DNAH9: variants seen among roughly 807,000 people sequenced by gnomAD.
DNAH9 encodes the protein dynein axonemal heavy chain 9.
In DNAH9, 345 loss-of-function variants were observed where a neutral mutation model predicts 471.6. The observed-to-expected ratio is 0.73, with a 90% CI of 0.67 to 0.80. The LOEUF (loss-of-function observed/expected upper bound fraction) is 0.80, where lower values mean the gene tolerates loss of function less well. Ranked by LOEUF, DNAH9 falls within the 30% of genes least tolerant of loss-of-function variation. The pLI, the probability that DNAH9 is intolerant of heterozygous loss-of-function variation, is 0.00. For missense variants in DNAH9, 5,407 were observed against 5,609.2 expected, an observed-to-expected ratio of 0.96 and a Z score of 1.15; for synonymous variants, 2,093 against 2,123.6, an observed-to-expected ratio of 0.99 and a Z score of 0.40.
intron 43 of DNAH9, among the ~76,000 whole-genome samples, chr17:11,804,852 C>T (rs1319826631): frequency 5.4e-5 from 8 of 148,682 alleles, no homozygotes; most frequent in African/African-American, 9.9e-5. Flanking sequence ...CCAGCCTGGA[C>T]GACAGAGCGA....
Position 11,694,332 on chromosome 17 carries a change from G to A in DNAH9, c.4757G>A (p.Cys1586Tyr). 5 of 1,614,004 alleles carry A rather than the reference G, an allele frequency of 3.1e-6. No individual in the cohort carries two copies. The highest frequency in any genetic ancestry group is 1.1e-5 in the South Asian group (1 of 91,050). ...TTCTGTGCCCTCAGATTGTGCCTGT[G>A]TGAGAAGGCCCTGGCAGAGTACCTC... ...LEDIQGRLCL[C>Y]EKALAEYLDT... The change falls in exon 22 of 69, where the codon TGT becomes TAT. Residue 1586 changes from cysteine to tyrosine, a missense_variant. By Grantham distance (194) the Cys-to-Tyr change is radical. Coordinates refer to ENST00000262442, the MANE Select transcript of DNAH9 (RefSeq NM_001372.4).
intron 17 of DNAH9, among the ~76,000 whole-genome samples, chr17:11,673,502 A>G (rs946453530): frequency 6.6e-6 from 1 of 152,168 alleles, no homozygotes; most frequent in Non-Finnish European, 1.5e-5. Context: ...ACATTGAAAA[A>G]GAGAAAGGAG....
rs139156852 is a variant in DNAH9 at position 11,921,291 on chromosome 17, G to A, written c.11750-2523G>A. ...AAGGTGGAGAAGAAATAGCCTCCAA[G>A]TAGCAAGAAAACACTAGAAAAAATG... On this transcript the variant is annotated intron_variant, in intron 61 of 68. Transcript: ENST00000262442. Among the ~76,000 whole-genome samples, 55 of 151,656 alleles carry A rather than the reference G, an allele frequency of 3.6e-4. No homozygotes were observed. The East Asian group carries it at 4.5e-3, about 12-fold the overall frequency.
intron 26 of DNAH9, among the ~76,000 whole-genome samples, chr17:11,715,813 C>G (rs906254337): frequency 3.3e-5 from 5 of 152,144 alleles, no homozygotes; most frequent in Non-Finnish European, 7.4e-5. Context: ...ACGGACACTT[C>G]ATAGTGAGGC....
intron 8 of DNAH9, among the ~76,000 whole-genome samples, chr17:11,634,203 A>G (rs1251606521): frequency 6.6e-6 from 1 of 152,176 alleles, no homozygotes; most frequent in Middle Eastern, 3.2e-3. Context: ...GGGAACTAGT[A>G]GGAAAACCAT....
chr17:11,721,540 A>G (rs2075059203), intron 27 of DNAH9, among the ~76,000 whole-genome samples: 1 of 152,092 alleles, frequency 6.6e-6, no homozygotes, highest in Non-Finnish European at 1.5e-5. Flanking sequence ...AATCCAATTA[A>G]TTTATTGAGT....
chr17:11,903,058 A>G, intron 60 of DNAH9, 146 bp downstream of exon 60: 1 of 906,070 alleles, frequency 1.1e-6, no homozygotes, highest in Admixed American at 2.9e-5. Context: ...TTAACTAAAC[A>G]GGCCAGGCGC....
At chr17:11,898,459 AG>A (rs1973295122) in intron 59 of DNAH9, among the ~76,000 whole-genome samples, 1 of 152,190 alleles carries the variant, frequency 6.6e-6, no homozygotes, top group Non-Finnish European at 1.5e-5. Context: ...ATAATAGATT[AG>A]GGTCCACACT....
In DNAH9 at chr17:11,877,639, A is replaced by G. The variant is rs891447877; in HGVS notation, c.10479-2439A>G. Reference sequence around the variant, plus strand: ...CAAGCATGCACGCACTAAGGTCCAGATCACTCGGGGTTGTTCAAATTGAAC... The same window carrying G: ...CAAGCATGCACGCACTAAGGTCCAGGTCACTCGGGGTTGTTCAAATTGAAC... On this transcript the variant is annotated intron_variant, in intron 53 of 68. Transcript: ENST00000262442. Among the ~76,000 whole-genome samples the G allele has an allele frequency of 2.6e-5, 4 of 152,146 alleles. No homozygotes were observed. The East Asian group carries it at 7.7e-4, about 29-fold the overall frequency.
intron 17 of DNAH9, among the ~76,000 whole-genome samples, chr17:11,674,296 C>T (rs1257581478): frequency 6.6e-6 from 1 of 152,162 alleles, no homozygotes; most frequent in Non-Finnish European, 1.5e-5. Context: ...TGCCAAGCTC[C>T]TTCCAAGGTA....
At chr17:11,895,721 G>A (rs1460797564) in intron 59 of DNAH9, among the ~76,000 whole-genome samples, 2 of 152,034 alleles carry the variant, frequency 1.3e-5, no homozygotes, top group African/African-American at 2.4e-5. Context: ...TACCAACTAC[G>A]AATCCATTCT....
In DNAH9 at chr17:11,883,747, A is replaced by G. The variant is rs1242590221; in HGVS notation, c.10968A>G (p.Lys3656=). The G allele has an allele frequency of 1.2e-6, 2 of 1,613,560 alleles. No homozygotes were observed. The highest frequency in any genetic ancestry group is 2.7e-5 in the African/African-American group (2 of 74,830). Residue 3656 remains lysine, a synonymous_variant, in exon 56 of 69, where the codon AAA becomes AAG. Coordinates refer to ENST00000262442, the MANE Select transcript of DNAH9 (RefSeq NM_001372.4). ...ITKQTAAEVE[K]KVQEAKVTEV... is the part of the protein sequence containing the mutation. ...AGCAGACTGCTGCCGAAGTTGAGAA[A>G]AAGGTAAAACTCCTCTGGCTAGTCT... is the stretch of plus-strand genomic sequence containing the variant.
intron 50 of DNAH9, among the ~76,000 whole-genome samples, chr17:11,864,111 G>A (rs1971956492): frequency 6.7e-6 from 1 of 150,322 alleles, no homozygotes; most frequent in African/African-American, 2.5e-5. Flanking sequence ...TAATTGTGAT[G>A]TTAGGGTGTC....
chr17:11,933,962 G>A lies in DNAH9; in HGVS notation c.12380G>A (p.Cys4127Tyr). 3 of 1,614,188 alleles carry A rather than the reference G, an allele frequency of 1.9e-6. No individual in the cohort carries two copies. In the South Asian group the frequency reaches 3.3e-5, roughly 18 times the overall value. ...HITDDWDRRL[C>Y]RTYLGEFIRP... ...ACAGATGACTGGGACAGAAGACTCTGCAGAACCTACCTGGGGGAATTCATT... is the reference window on the plus strand; with the variant it reads ...ACAGATGACTGGGACAGAAGACTCTACAGAACCTACCTGGGGGAATTCATT... Residue 4127 changes from cysteine (C) to tyrosine (Y), a missense_variant, in exon 65 of 69, where the codon TGC becomes TAC. Coordinates refer to ENST00000262442, the MANE Select transcript of DNAH9 (RefSeq NM_001372.4).
Position 11,880,142 on chromosome 17 carries a change from G to A in DNAH9, c.10543G>A (p.Glu3515Lys), listed in dbSNP as rs910559759. The A allele has an allele frequency of 6.8e-6, 11 of 1,613,916 alleles. No individual in the cohort carries two copies. Among genetic ancestry groups the A allele is most frequent in the African/African-American group, 1.3e-5 (1 of 74,906 alleles). ...GAVVLIENLE[E>K]SIDPVLGPLL... The stretch of plus-strand genomic sequence containing the variant: ...TGTGGTGCTGATTGAAAATCTAGAG[G>A]AGTCCATTGATCCTGTTCTGGGACC... Residue 3515 changes from glutamate (E) to lysine (K), a missense_variant, in exon 54 of 69, where the codon GAG (glutamate) becomes AAG (lysine). Glu to Lys is a moderately conservative substitution (Grantham distance 56). Coordinates refer to ENST00000262442, the MANE Select transcript of DNAH9 (RefSeq NM_001372.4).
rs900349021 is a variant in DNAH9 at position 11,933,977 on chromosome 17, G to A, written c.12395G>A (p.Gly4132Glu). The A allele has an allele frequency of 3.1e-6, 5 of 1,614,022 alleles. No homozygotes were observed. The African/African-American group carries it at 4.0e-5, about 13-fold the overall frequency. The change falls in exon 65 of 69, where the codon GGG (glycine) becomes GAG (glutamate). Residue 4132 changes from glycine (G) to glutamate (E), a missense_variant. By Grantham distance (98) the Gly-to-Glu change is moderately conservative. This residue lies in a region of DNAH9 where 4,636 missense variants were observed against 4,900.3 expected (regional missense o/e 0.95). Transcript: ENST00000262442. ...WDRRLCRTYL[G>E]EFIRPEMLEG... ...AGAAGACTCTGCAGAACCTACCTGG[G>A]GGAATTCATTCGACCAGAAATGTTA...
In DNAH9 at chr17:11,738,321, C is replaced by T. The variant is rs7222286; in HGVS notation, c.5815-559C>T. ...ATTCAGGGAGTTAAACACCTGTTTG[C>T]TGTTCCCTCCCATGCTCTTAGCCAC... On this transcript the variant is annotated intron_variant, in intron 28 of 68. Transcript: ENST00000262442. 7.4e-3 allele frequency among the ~76,000 whole-genome samples: 1,122 copies of T among 152,316 alleles called. 14 individuals carry two copies. The highest frequency in any genetic ancestry group is 0.025 in the African/African-American group (1,043 of 41,574).
At chr17:11,671,131 G>A (rs1032749556) in intron 17 of DNAH9, among the ~76,000 whole-genome samples, 23 of 152,354 alleles carry the variant, frequency 1.5e-4, no homozygotes, top group African/African-American at 4.6e-4. Flanking sequence ...GCCCCAGGAT[G>A]GAGCACTGTT....
intron 38 of DNAH9, among the ~76,000 whole-genome samples, chr17:11,776,097 G>C (rs73978404): frequency 2.6e-3 from 397 of 152,226 alleles, no homozygotes; most frequent in African/African-American, 9.3e-3. Flanking sequence ...CTTGTACAAA[G>C]GGCTTTCCTC....
Sources: gnomAD v4.1 joint callset for allele counts (sites outside exome capture counted in the v4.1 genomes callset) on GRCh38, gnomAD v4.1.1 for gene constraint, gnomAD v4.1.1 regional missense constraint, MANE v1.5 for transcripts, NCBI Gene and HGNC (gene_info 2026-07-23, HGNC 2026-07-21) for gene names.